The following NLGN1 variants were observed in gnomAD, a reference collection of about 807,000 sequenced individuals.
NLGN1 encodes neuroligin-1.
A neutral mutation model predicts 65.5 loss-of-function variants in NLGN1; 12 were observed. The observed-to-expected ratio is 0.18, with a 90% CI of 0.12 to 0.30. The LOEUF is 0.30. Among genes scored for constraint, NLGN1 ranks in the 10% least tolerant of loss-of-function variants. The pLI, the probability that NLGN1 is intolerant of heterozygous loss-of-function variation, is 1.00. For synonymous variants in NLGN1, 350 were observed against 359.5 expected (o/e 0.97, Z 0.30); for missense variants, 750 against 1,007.1 (o/e 0.74, Z 3.46).
At chr3:173,429,237 A>G (rs1716745926) in intron 1 of NLGN1, among the ~76,000 whole-genome samples, 1 of 151,926 alleles carries the variant, frequency 6.6e-6, no homozygotes, top group African/African-American at 2.4e-5. Flanking sequence ...GCCTGTCTTC[A>G]TACTCTCTGA....
chr3:173,797,419 C>T (rs1395583791), intron 3 of NLGN1, among the ~76,000 whole-genome samples: 1 of 152,082 alleles, frequency 6.6e-6, no homozygotes, highest in East Asian at 1.9e-4. Context: ...AAAAAACTTA[C>T]TGTCATCTAA....
In NLGN1 at chr3:173,555,553, C is replaced by T. The variant is rs372069908; in HGVS notation, c.-320-48726C>T. On this transcript the variant is annotated intron_variant, in intron 2 of 6. Transcript: ENST00000457714. ...GAAGTGCAGTGGCATGATTACGGCTCGCTATGGCCTCAAAATCCCCGGGCT... is the reference window on the plus strand; with the variant it reads ...GAAGTGCAGTGGCATGATTACGGCTTGCTATGGCCTCAAAATCCCCGGGCT... 7.2e-5 allele frequency among the ~76,000 whole-genome samples: 11 copies of T among 152,296 alleles called. 1 individual carries two copies. The South Asian group carries it at 1.9e-3, about 26-fold the overall frequency.
At chr3:174,239,013 T>C (rs980551797) in intron 4 of NLGN1, among the ~76,000 whole-genome samples, 2 of 152,174 alleles carry the variant, frequency 1.3e-5, no homozygotes, top group Admixed American at 6.5e-5. Flanking sequence ...ATTTCTTACC[T>C]ACAGCTAAAA....
chr3:173,548,743 G>C (rs930585277), intron 2 of NLGN1, among the ~76,000 whole-genome samples: 1 of 151,834 alleles, frequency 6.6e-6, no homozygotes, highest in Admixed American at 6.6e-5. Context: ...ACACGTGTGT[G>C]TATGAAAGTA....
At chr3:173,828,535 T>C (rs1043255336) in intron 4 of NLGN1, among the ~76,000 whole-genome samples, 2 of 152,140 alleles carry the variant, frequency 1.3e-5, no homozygotes, top group Non-Finnish European at 2.9e-5. Context: ...TACAATCTCT[T>C]TTACCTTTTT....
intron 3 of NLGN1, among the ~76,000 whole-genome samples, chr3:173,663,783 T>A (rs1243164003): frequency 6.6e-6 from 1 of 151,936 alleles, no homozygotes; most frequent in Admixed American, 6.6e-5. Flanking sequence ...TGCTCAAGTA[T>A]AGACAGAGGA....
chr3:173,411,358 T>C (rs1385356697), intron 1 of NLGN1, among the ~76,000 whole-genome samples: 1 of 152,168 alleles, frequency 6.6e-6, no homozygotes, highest in African/African-American at 2.4e-5. Context: ...AAGGAAGTTT[T>C]GCCAGCTTCC....
chr3:173,609,872 A>C (rs1211723678), intron 3 of NLGN1, among the ~76,000 whole-genome samples: 1 of 151,988 alleles, frequency 6.6e-6, no homozygotes, highest in African/African-American at 2.4e-5. Context: ...AGTTAAAAAT[A>C]AAATGAAGAC....
intron 4 of NLGN1, among the ~76,000 whole-genome samples, chr3:174,241,773 G>C (rs976290977): frequency 1.3e-5 from 2 of 151,572 alleles, no homozygotes; most frequent in African/African-American, 2.4e-5. Flanking sequence ...CCTGCCTCAG[G>C]CTCCCCTCCC....
chr3:173,763,524 CTTTA>C (rs970267900), intron 3 of NLGN1, among the ~76,000 whole-genome samples: 11 of 151,986 alleles, frequency 7.2e-5, no homozygotes, highest in Non-Finnish European at 1.6e-4. Flanking sequence ...TATGATTTTA[CTTTA>C]TTTCTCATTC....
At chr3:173,829,085 A>G (rs1461845919) in intron 4 of NLGN1, among the ~76,000 whole-genome samples, 1 of 152,128 alleles carries the variant, frequency 6.6e-6, no homozygotes, top group East Asian at 1.9e-4. Flanking sequence ...AGGCTACTGC[A>G]ATAATCCAGG....
intron 2 of NLGN1, among the ~76,000 whole-genome samples, chr3:173,466,673 A>G (rs189077087): frequency 2.6e-5 from 4 of 152,342 alleles, no homozygotes; most frequent in African/African-American, 9.6e-5. Context: ...GAGAAATGCA[A>G]GCTATCAAAT....
chr3:174,020,065 G>A (rs1394249211), intron 4 of NLGN1, among the ~76,000 whole-genome samples: 2 of 152,028 alleles, frequency 1.3e-5, no homozygotes, highest in Non-Finnish European at 2.9e-5. Flanking sequence ...GTATTTTAAT[G>A]CACACTTCTT....
intron 1 of NLGN1, among the ~76,000 whole-genome samples, chr3:173,417,190 C>T (rs1713976369): frequency 6.6e-6 from 1 of 151,894 alleles, no homozygotes; most frequent in Admixed American, 6.6e-5. Context: ...TCGCAAATTA[C>T]ATTTGTAATT....
At chr3:174,221,752 G>C (rs1410260202) in intron 4 of NLGN1, among the ~76,000 whole-genome samples, 1 of 152,028 alleles carries the variant, frequency 6.6e-6, no homozygotes, top group African/African-American at 2.4e-5. Context: ...ACCCTTTTAA[G>C]CTTCTAGGAA....
chr3:173,757,812 A>G (rs996175164), intron 3 of NLGN1, among the ~76,000 whole-genome samples: 17 of 152,120 alleles, frequency 1.1e-4, no homozygotes, highest in Non-Finnish European at 2.4e-4. Flanking sequence ...ACGTACTTCA[A>G]AATTACATAC....
intron 3 of NLGN1, among the ~76,000 whole-genome samples, chr3:173,663,134 T>A (rs1038906478): frequency 3.9e-5 from 6 of 152,026 alleles, no homozygotes; most frequent in African/African-American, 1.2e-4. Context: ...ATCCTGACTT[T>A]ATCATTTAAT....
At chr3:174,243,124 TG>T (rs1743195854) in intron 4 of NLGN1, among the ~76,000 whole-genome samples, 1 of 152,210 alleles carries the variant, frequency 6.6e-6, no homozygotes, top group African/African-American at 2.4e-5. Flanking sequence ...CTTGGAAAAC[TG>T]AATAGATTAT....
chr3:174,087,804 A>T (rs978429709), intron 4 of NLGN1, among the ~76,000 whole-genome samples: 1 of 152,220 alleles, frequency 6.6e-6, no homozygotes, highest in Non-Finnish European at 1.5e-5. Flanking sequence ...ATAATTAATT[A>T]TGAATAAGAA....
Sources: allele counts gnomAD v4.1 joint callset (sites outside exome capture counted in the v4.1 genomes callset), GRCh38; gene constraint gnomAD v4.1.1; transcripts MANE v1.5; gene names NCBI Gene and HGNC (gene_info 2026-07-23, HGNC 2026-07-21).